Variants in FOXK2 observed in about 807,000 individuals in gnomAD.
FOXK2 encodes forkhead box protein K2.
Under a neutral mutation model 53.3 loss-of-function variants are expected in FOXK2, and 24 were observed. The observed-to-expected ratio is 0.45, with a 90% CI of 0.33 to 0.63. FOXK2 has a LOEUF of 0.63. FOXK2 is among the 30% of genes least tolerant of loss of function. The pLI is 0.03. For missense variants in FOXK2, 952 were observed against 910.5 expected, an observed-to-expected ratio of 1.05 and a Z score of -0.59; for synonymous variants, 505 against 407.1, an observed-to-expected ratio of 1.24 and a Z score of -2.89.
intron 4 of FOXK2, among the ~76,000 whole-genome samples, chr17:82,574,362 C>T (rs575793631): frequency 1.4e-3 from 209 of 151,194 alleles, no homozygotes; most frequent in Non-Finnish European, 2.6e-3. Context: ...CTCTTGTTGC[C>T]CAGGCTGGAG....
chr17:82,525,321 T>C (rs764746388), intron 1 of FOXK2, among the ~76,000 whole-genome samples: 1 of 152,034 alleles, frequency 6.6e-6, no homozygotes, highest in Non-Finnish European at 1.5e-5. Context: ...GGACTACAGG[T>C]ACGTGCCACC....
chr17:82,543,122 C>T (rs1353474615), intron 1 of FOXK2, among the ~76,000 whole-genome samples: 2 of 152,200 alleles, frequency 1.3e-5, no homozygotes, highest in Non-Finnish European at 2.9e-5. Context: ...AGGACATTTC[C>T]CACGTGGGGG....
At chr17:82,584,223 A>G in intron 6 of FOXK2, 35 bp downstream of exon 6, 2 of 1,540,708 alleles carry the variant, frequency 1.3e-6, no homozygotes, top group Non-Finnish European at 1.7e-6. Flanking sequence ...GGGCCCCAAC[A>G]GCGTGAGCCA....
At chr17:82,567,714 T>G (rs1008696531) in intron 2 of FOXK2, among the ~76,000 whole-genome samples, 2 of 152,056 alleles carry the variant, frequency 1.3e-5, no homozygotes, top group Non-Finnish European at 2.9e-5. Flanking sequence ...ACTTTGTGTC[T>G]TTAATAAGTT....
rs1198829485 is a variant in FOXK2, at chr17:82,603,621, C to T, written c.*2122C>T. ...AGTCCATAAACTGGTTACTTCTGAT[C>T]CTGGAACGTGGACTTCACATGATAG... is the stretch of plus-strand genomic sequence containing the variant. On this transcript the variant is annotated 3_prime_UTR_variant, in exon 9 of 9. Transcript: ENST00000335255. The T allele has an allele frequency of 6.6e-6, 1 of 152,166 alleles. No homozygotes were observed. The highest frequency in any genetic ancestry group is 6.5e-5 in the Admixed American group (1 of 15,268). The allele number at this position is 152,166 out of a possible 1,614,324, so 9.4% of individuals were successfully genotyped here. A position where few individuals can be genotyped will look rare whatever the true frequency, so the allele number is the denominator to read the frequency against.
intron 2 of FOXK2, among the ~76,000 whole-genome samples, chr17:82,564,156 C>T (rs57855724): frequency 0.46 from 64,533 of 138,888 alleles, 14,421 homozygotes; most frequent in South Asian, 0.59. Flanking sequence ...GGTGTGATCT[C>T]GGCTCACTGC....
chr17:82,590,470 G>A (rs890855812), intron 8 of FOXK2, among the ~76,000 whole-genome samples: 7 of 152,140 alleles, frequency 4.6e-5, no homozygotes, highest in African/African-American at 1.7e-4. Flanking sequence ...GTCTTTTCAT[G>A]TACTTTATGG....
At chr17:82,546,812 C>T (rs771221992) in intron 1 of FOXK2, among the ~76,000 whole-genome samples, 4 of 151,960 alleles carry the variant, frequency 2.6e-5, no homozygotes, top group Non-Finnish European at 4.4e-5. Context: ...TGCGGTGGCT[C>T]ACACCTGGAA....
intron 4 of FOXK2, among the ~76,000 whole-genome samples, chr17:82,575,641 A>C (rs909943248): frequency 6.6e-6 from 1 of 152,226 alleles, no homozygotes; most frequent in Non-Finnish European, 1.5e-5. Context: ...GCAAATGTTA[A>C]GACTAGGAGT....
At chr17:82,552,473 T>C (rs1336935063) in intron 1 of FOXK2, among the ~76,000 whole-genome samples, 1 of 152,208 alleles carries the variant, frequency 6.6e-6, no homozygotes, top group Middle Eastern at 3.2e-3. Context: ...TGCCCTTCAC[T>C]GATAGGCCCT....
At chr17:82,573,808 C>T (rs1306196742) in intron 4 of FOXK2, among the ~76,000 whole-genome samples, 1 of 152,236 alleles carries the variant, frequency 6.6e-6, no homozygotes, top group Non-Finnish European at 1.5e-5. Context: ...TAATGTGTTT[C>T]TCTTAAGTGG....
At chr17:82,567,909 A>T in intron 2 of FOXK2, 145 bp from the exon 3 acceptor site, 1 of 668,030 alleles carries the variant, frequency 1.5e-6, no homozygotes, top group South Asian at 2.6e-5. Context: ...TCCATAGGAA[A>T]TGCTGATATT....
At position 82,571,468 on chromosome 17, in the gene FOXK2, G is replaced by A. The variant is rs151155413; in HGVS notation, c.763-256G>A. Among the ~76,000 whole-genome samples the A allele has an allele frequency of 4.5e-4, 69 of 152,196 alleles. 1 individual carries two copies. The highest frequency in any genetic ancestry group is 3.4e-3 in the Middle Eastern group (1 of 294). ...CCACAAAAATTAGCCGGGCGCGGTG[G>A]CAGGCGCCTGTGATCCCAGCTACTC... On this transcript the variant is annotated intron_variant, in intron 3 of 8. Transcript: ENST00000335255.
At chr17:82,586,759 G>A (rs897386311) in intron 7 of FOXK2, among the ~76,000 whole-genome samples, 3 of 152,078 alleles carry the variant, frequency 2.0e-5, no homozygotes, top group East Asian at 1.9e-4. Context: ...AAATCAGCTG[G>A]GCATGGTGGC....
intron 4 of FOXK2, among the ~76,000 whole-genome samples, chr17:82,573,452 C>G (rs1403523984): frequency 2.0e-5 from 3 of 152,018 alleles, no homozygotes; most frequent in Non-Finnish European, 4.4e-5. Context: ...GTCAGGGTCT[C>G]TTAACATATT....
At chr17:82,528,044 C>G (rs1291629745) in intron 1 of FOXK2, among the ~76,000 whole-genome samples, 1 of 152,154 alleles carries the variant, frequency 6.6e-6, no homozygotes, top group Non-Finnish European at 1.5e-5. Flanking sequence ...GCAGTCCCCC[C>G]ACCTCAGTCT....
chr17:82,542,882 GT>G (rs1283319840), intron 1 of FOXK2, among the ~76,000 whole-genome samples: 1 of 152,178 alleles, frequency 6.6e-6, no homozygotes, highest in African/African-American at 2.4e-5. Context: ...GCTGGGTGTG[GT>G]GGTGCGCACC....
At chr17:82,523,853 T>C (rs2044391164) in intron 1 of FOXK2, among the ~76,000 whole-genome samples, 1 of 152,174 alleles carries the variant, frequency 6.6e-6, no homozygotes, top group African/African-American at 2.4e-5. Flanking sequence ...AAAAATCAAA[T>C]TAAATGTATA....
intron 1 of FOXK2, among the ~76,000 whole-genome samples, chr17:82,544,687 T>G (rs956370279): frequency 6.6e-6 from 1 of 152,134 alleles, no homozygotes; most frequent in Admixed American, 6.5e-5. Flanking sequence ...TTTTTGGAGC[T>G]TTTTTGCTTT....
Sources: gnomAD v4.1 joint callset for allele counts (sites outside exome capture counted in the v4.1 genomes callset) on GRCh38, gnomAD v4.1.1 for gene constraint, MANE v1.5 for transcripts, NCBI Gene and HGNC (gene_info 2026-07-23, HGNC 2026-07-21) for gene names.